TAGLN3: variants seen among roughly 807,000 people sequenced by gnomAD.
TAGLN3 encodes the protein transgelin-3.
In TAGLN3, 12 loss-of-function variants were observed where a neutral mutation model predicts 25.4. That is an observed-to-expected ratio of 0.47 (90% confidence interval 0.30 to 0.77). The LOEUF (loss-of-function observed/expected upper bound fraction) is 0.77. TAGLN3 is among the 30% of genes least tolerant of loss of function. TAGLN3 has a pLI of 0.06. For missense variants in TAGLN3, 218 were observed against 255.8 expected (o/e 0.85, Z 1.01); for synonymous variants, 96 against 94.8 (o/e 1.01, Z -0.08).
chr3:112,003,207 T>C (rs1250392581), intron 3 of TAGLN3, among the ~76,000 whole-genome samples: 2 of 152,146 alleles, frequency 1.3e-5, no homozygotes, highest in Non-Finnish European at 1.5e-5. Flanking sequence ...CAGGGTCTGG[T>C]GGCTGACTCT....
chr3:112,009,232 T>A (rs574474949), intron 3 of TAGLN3, among the ~76,000 whole-genome samples: 1 of 152,304 alleles, frequency 6.6e-6, no homozygotes, highest in East Asian at 1.9e-4. Flanking sequence ...AACATCCAAA[T>A]GATATCACTT....
At chr3:112,012,229 TC>T (rs2072984470) in intron 4 of TAGLN3, among the ~76,000 whole-genome samples, 1 of 71,090 alleles carries the variant, frequency 1.4e-5, no homozygotes, top group Admixed American at 1.2e-4. Context: ...CTTCCCTCCC[TC>T]CCTCCCTCCC....
chr3:112,013,389 C>A (rs1439146467), intron 4 of TAGLN3, 21 bp from the exon 5 acceptor site: 1 of 1,603,400 alleles, frequency 6.2e-7, no homozygotes, highest in African/African-American at 1.3e-5. Flanking sequence ...GACATTATTC[C>A]CTCTCACTTT....
At position 111,999,596 on chromosome 3, in the gene TAGLN3, C is replaced by A; in HGVS notation, c.174C>A (p.Asp58Glu). 2 of 1,613,474 alleles carry A rather than the reference C, an allele frequency of 1.2e-6. No individual in the cohort carries two copies. Among genetic ancestry groups the A allele is most frequent in the Non-Finnish European group, 1.7e-6 (2 of 1,179,638 alleles). ...GRAHFQKWLMDGTVLCKLINS... is the reference protein window; with the variant it reads ...GRAHFQKWLMEGTVLCKLINS... The stretch of plus-strand genomic sequence containing the variant: ...CCCATTTTCAGAAATGGTTAATGGA[C>A]GGGACGGTAAGGCCGGCAGCGATCT... Residue 58 changes from aspartate to glutamate, a missense_variant, in exon 2 of 5, where the codon GAC becomes GAA. Coordinates refer to ENST00000478951, the MANE Select transcript of TAGLN3 (RefSeq NM_001008272.2).
intron 2 of TAGLN3, 55 bp from the exon 3 acceptor site, chr3:112,000,717 T>C: frequency 6.4e-7 from 1 of 1,573,836 alleles, no homozygotes; most frequent in African/African-American, 1.4e-5. Context: ...CTTCTCATTC[T>C]TGACCTGTAA....
intron 3 of TAGLN3, among the ~76,000 whole-genome samples, chr3:112,005,413 G>C (rs1432704280): frequency 6.6e-6 from 1 of 152,138 alleles, no homozygotes. Flanking sequence ...TCAGTCTCAT[G>C]GCTCTTCTTA....
At position 111,999,549 on chromosome 3, in the gene TAGLN3, G is replaced by C. The variant is rs763508176; in HGVS notation, c.127G>C (p.Glu43Gln). 1 of 1,614,180 alleles carries C rather than the reference G, an allele frequency of 6.2e-7. No homozygotes were observed. The highest frequency in any genetic ancestry group is 8.5e-7 in the Non-Finnish European group (1 of 1,180,020). Residue 43 changes from glutamate (E) to glutamine (Q), a missense_variant, in exon 2 of 5, where the codon GAG becomes CAG. Coordinates refer to ENST00000478951, the MANE Select transcript of TAGLN3 (RefSeq NM_001008272.2). ...WIILQCAEDIEHPPPGRAHFQ... is the reference protein window; with the variant it reads ...WIILQCAEDIQHPPPGRAHFQ... ...CATCCTGCAGTGCGCCGAGGACATA[G>C]AGCACCCGCCCCCCGGCAGGGCCCA...
chr3:112,011,418 G>A (rs1052141618), intron 3 of TAGLN3, among the ~76,000 whole-genome samples: 5 of 152,186 alleles, frequency 3.3e-5, no homozygotes, highest in Admixed American at 6.5e-5. Flanking sequence ...TTGATTTGCT[G>A]TTCTTCATTT....
chr3:112,011,660 G>A (rs2072978247), intron 3 of TAGLN3, 103 bp from the exon 4 acceptor site: 3 of 1,091,380 alleles, frequency 2.7e-6, no homozygotes, highest in Admixed American at 2.5e-5. Context: ...CTGGTCACCT[G>A]CAGCCTTCTA....
chr3:112,013,703 G>C lies in TAGLN3; in HGVS notation c.*152G>C. 8.4e-7 allele frequency: 1 copy of C among 1,196,340 alleles called. No homozygotes were observed. The highest frequency in any genetic ancestry group is 1.2e-6 in the Non-Finnish European group (1 of 826,996). 74.1% of individuals were successfully genotyped at this position (1,196,340 alleles called of 1,614,324 possible). A position where few individuals can be genotyped will look rare whatever the true frequency, so the allele number is the denominator to read the frequency against. On this transcript the variant is annotated 3_prime_UTR_variant, in exon 5 of 5. Transcript: ENST00000478951. ...AGTGCTGCATTTCCGCCGAGAATCC[G>C]CGTTGCCTACTGCTGCCACCTCCTG... is the stretch of plus-strand genomic sequence containing the variant.
intron 2 of TAGLN3, 126 bp from the exon 3 acceptor site, chr3:112,000,646 A>C (rs774764): frequency 9.8e-7 from 1 of 1,022,658 alleles, no homozygotes; most frequent in Non-Finnish European, 1.5e-6. Flanking sequence ...GTGCCTTCCT[A>C]GGGCCCATGA....
At position 112,000,914 on chromosome 3, in the gene TAGLN3, C is replaced by CCGACATCTTTCAGA. The variant is rs1559941570; in HGVS notation, c.326_339dup (p.Val114ThrfsTer21). On this transcript the variant is annotated frameshift_variant, in exon 3 of 5. Transcript: ENST00000478951. LOFTEE classifies it high-confidence loss of function. ...GCGGAGACCTATGGTGTCAGAACCA[C>CCGACATCTTTCAGA]CGACATCTTTCAGACGGTGGATCTA... 1.2e-6 allele frequency: 2 copies of CCGACATCTTTCAGA among 1,614,144 alleles called. No individual in the cohort carries two copies. The highest frequency in any genetic ancestry group is 1.7e-6 in the Non-Finnish European group (2 of 1,180,030).
intron 4 of TAGLN3, among the ~76,000 whole-genome samples, chr3:112,012,668 G>T (rs1017180878): frequency 1.3e-5 from 2 of 151,640 alleles, no homozygotes; most frequent in Non-Finnish European, 2.9e-5. Flanking sequence ...CACTCGCCCT[G>T]AAAACTTCTG....
At chr3:112,008,190 G>A (rs952063802) in intron 3 of TAGLN3, among the ~76,000 whole-genome samples, 1 of 152,100 alleles carries the variant, frequency 6.6e-6, no homozygotes, top group Non-Finnish European at 1.5e-5. Flanking sequence ...AAGAAGCTTG[G>A]GAAAGCAGGC....
At chr3:112,004,613 A>G (rs376467517) in intron 3 of TAGLN3, among the ~76,000 whole-genome samples, 100 of 152,322 alleles carry the variant, frequency 6.6e-4, no homozygotes, top group African/African-American at 2.3e-3. Flanking sequence ...AGTGGGGATA[A>G]TCATATGTAT....
At chr3:112,008,373 G>T (rs902021335) in intron 3 of TAGLN3, among the ~76,000 whole-genome samples, 1 of 152,100 alleles carries the variant, frequency 6.6e-6, no homozygotes, top group Non-Finnish European at 1.5e-5. Context: ...GGAGTGCAGT[G>T]GTGCAATCAT....
At chr3:112,012,254 C>CCCTTCCTTCCTTCCTTCCTT (rs71131995) in intron 4 of TAGLN3, among the ~76,000 whole-genome samples, 4 of 74,130 alleles carry the variant, frequency 5.4e-5, no homozygotes, top group East Asian at 4.1e-4. Context: ...CTCCCTCCCT[C>CCCTTCCTTCCTTCCTTCCTT]CCTTCCTTCC....
At chr3:112,010,086 G>A (rs1051587689) in intron 3 of TAGLN3, among the ~76,000 whole-genome samples, 9 of 151,970 alleles carry the variant, frequency 5.9e-5, no homozygotes, top group Non-Finnish European at 1.2e-4. Flanking sequence ...ACTAAGTAGG[G>A]AACTAAGTGT....
At chr3:112,005,037 C>T (rs1258706548) in intron 3 of TAGLN3, among the ~76,000 whole-genome samples, 1 of 152,132 alleles carries the variant, frequency 6.6e-6, no homozygotes. Context: ...TTTACTAATT[C>T]CAGACACAGA....
Sources: allele counts gnomAD v4.1 joint callset (sites outside exome capture counted in the v4.1 genomes callset), GRCh38; gene constraint gnomAD v4.1.1; transcripts MANE v1.5; gene names NCBI Gene and HGNC (gene_info 2026-07-23, HGNC 2026-07-21).